EIF2A: variants seen among roughly 807,000 people sequenced by gnomAD.
The protein encoded by EIF2A is eukaryotic translation initiation factor 2A.
In EIF2A, 62 loss-of-function variants were observed where a neutral mutation model predicts 75.2. That is an observed-to-expected ratio of 0.82 (90% CI 0.67 to 1.02). The LOEUF is 1.02. Among genes scored for constraint, EIF2A ranks in the 50% least tolerant of loss-of-function variants. The pLI is 0.00. For synonymous variants in EIF2A, 207 were observed against 239.0 expected, an observed-to-expected ratio of 0.87 and a Z score of 1.23; for missense variants, 611 against 677.7, an observed-to-expected ratio of 0.90 and a Z score of 1.09.
Position 150,563,523 on chromosome 3 carries a change from G to A in EIF2A, c.301G>A (p.Asp101Asn), listed in dbSNP as rs558398371. ...AAGAAATTTTATTGCAGCTTCTAAA[G>A]ATGGCACAGCTGGGATACCCAACCT... ...ATWQPYTTSK[D>N]GTAGIPNLQL... is the part of the protein sequence containing the mutation. The change falls in exon 5 of 14, where the codon GAT (aspartate) becomes AAT (asparagine). Residue 101 changes from aspartate to asparagine, a missense_variant. Asp to Asn is a conservative substitution (Grantham distance 23, BLOSUM62 1). Coordinates refer to ENST00000460851, the MANE Select transcript of EIF2A (RefSeq NM_032025.5). 5 of 1,545,594 alleles carry A rather than the reference G, an allele frequency of 3.2e-6. No homozygotes were observed. In the South Asian group the frequency reaches 4.9e-5, roughly 15 times the overall value.
At position 150,564,328 on chromosome 3, in the gene EIF2A, T is replaced by A; in HGVS notation, c.422T>A (p.Leu141His). The A allele has an allele frequency of 2.5e-6, 4 of 1,601,766 alleles. No homozygotes were observed. The highest frequency in any genetic ancestry group is 3.4e-6 in the Non-Finnish European group (4 of 1,175,458). Reference sequence around the variant, plus strand: ...CCATCCTGGTCAGAAGATGAAACTCTTTGTGCCCGCAATGTTAACAATGAA... The same window carrying A: ...CCATCCTGGTCAGAAGATGAAACTCATTGTGCCCGCAATGTTAACAATGAA... ...WCPSWSEDET[L>H]CARNVNNEVH... The change falls in exon 6 of 14, where the codon CTT (leucine) becomes CAT (histidine). Residue 141 changes from leucine to histidine, a missense_variant. Leu to His is a moderately conservative substitution (Grantham distance 99, BLOSUM62 -3). Transcript: ENST00000460851.
intron 3 of EIF2A, among the ~76,000 whole-genome samples, chr3:150,562,230 G>C (rs7427005): frequency 0.95 from 144,127 of 151,430 alleles, 68,596 homozygotes; most frequent in East Asian, 1. Context: ...AGACCATCCT[G>C]GCTAACACGG....
intron 10 of EIF2A, among the ~76,000 whole-genome samples, chr3:150,574,037 C>T (rs1002572280): frequency 1.5e-4 from 23 of 151,984 alleles, no homozygotes; most frequent in African/African-American, 4.6e-4. Flanking sequence ...TGGTGAGACC[C>T]CATCACTACT....
intron 1 of EIF2A, among the ~76,000 whole-genome samples, chr3:150,547,988 A>T (rs1241308107): frequency 1.3e-5 from 2 of 152,212 alleles, no homozygotes; most frequent in Non-Finnish European, 2.9e-5. Context: ...TACATTCTAA[A>T]ATCTGATAAA....
At chr3:150,557,726 C>T in intron 2 of EIF2A, 3 of 366,360 alleles carry the variant, frequency 8.2e-6, no homozygotes, top group South Asian at 3.9e-5. Flanking sequence ...GTTTTATTAT[C>T]TATAAACTGA....
At chr3:150,549,061 A>G (rs555319113) in intron 1 of EIF2A, among the ~76,000 whole-genome samples, 6 of 152,156 alleles carry the variant, frequency 3.9e-5, no homozygotes, top group Non-Finnish European at 8.8e-5. Context: ...CAGATTAGCC[A>G]GTAAATTTTG....
At chr3:150,575,164 T>C (rs1724786282) in intron 10 of EIF2A, among the ~76,000 whole-genome samples, 1 of 152,218 alleles carries the variant, frequency 6.6e-6, no homozygotes, top group African/African-American at 2.4e-5. Context: ...TTCTATTTCA[T>C]TTATTTTCTT....
Position 150,584,766 on chromosome 3 carries a change from A to T in EIF2A, c.*855A>T, listed in dbSNP as rs1725374978. On this transcript the variant is annotated 3_prime_UTR_variant, in exon 14 of 14. Coordinates refer to ENST00000460851, the MANE Select transcript of EIF2A (RefSeq NM_032025.5). ...AATTGATTTTTCTTTTCCTTTGCCC[A>T]TTTTTCTGTTTGGATGTTTGACTTT... is the stretch of plus-strand genomic sequence containing the variant. Among the ~76,000 whole-genome samples, 1 of 151,374 alleles carries T rather than the reference A, an allele frequency of 6.6e-6. No homozygotes were observed. Among genetic ancestry groups the T allele is most frequent in the Non-Finnish European group, 1.5e-5 (1 of 67,812 alleles).
At chr3:150,560,129 TAATAG>T (rs1723774696) in intron 3 of EIF2A, among the ~76,000 whole-genome samples, 1 of 152,194 alleles carries the variant, frequency 6.6e-6, no homozygotes, top group Admixed American at 6.5e-5. Flanking sequence ...CAGTTATTGT[TAATAG>T]TTCACTCATA....
chr3:150,558,474 T>C lies in EIF2A; in HGVS notation c.173+12T>C. The stretch of plus-strand genomic sequence containing the variant: ...GGCAATGGAGAAAAGTTAGTGTTCA[T>C]TTACATAACATATTTTGTGTGTCAC... On this transcript the variant is annotated intron_variant, in intron 3 of 13. Transcript: ENST00000460851. The C allele has an allele frequency of 6.7e-7, 1 of 1,486,630 alleles. No homozygotes were observed. The highest frequency in any genetic ancestry group is 8.9e-7 in the Non-Finnish European group (1 of 1,125,798). The allele number at this position is 1,486,630 out of a possible 1,614,324, so 92.1% of individuals were successfully genotyped here.
chr3:150,573,777 G>T (rs1002966332), intron 10 of EIF2A, among the ~76,000 whole-genome samples: 10 of 152,098 alleles, frequency 6.6e-5, no homozygotes, highest in African/African-American at 2.4e-4. Context: ...CACAAAGGAG[G>T]AGAGTTACAC....
chr3:150,576,198 T>G (rs1055140104), intron 11 of EIF2A, among the ~76,000 whole-genome samples: 1 of 152,172 alleles, frequency 6.6e-6, no homozygotes, highest in East Asian at 1.9e-4. Context: ...CCCAGCACTT[T>G]GGGAGGCCAA....
In EIF2A at chr3:150,562,580, A is replaced by G. The variant is rs774888051; in HGVS notation, c.212A>G (p.His71Arg). The change falls in exon 4 of 14, where the codon CAC (histidine) becomes CGC (arginine). Residue 71 changes from histidine to arginine, a missense_variant. Physicochemically the swap from His to Arg is conservative, Grantham distance 29 (BLOSUM62 0). Coordinates refer to ENST00000460851, the MANE Select transcript of EIF2A (RefSeq NM_032025.5). ...AGTGTCACTAACAAGGGACTACTGCACTCCTTCGACCTCCTGAAGGCAGTT... is the reference window on the plus strand; with the variant it reads ...AGTGTCACTAACAAGGGACTACTGCGCTCCTTCGACCTCCTGAAGGCAGTT... ...IISVTNKGLLHSFDLLKAVCL... is the reference protein window; with the variant it reads ...IISVTNKGLLRSFDLLKAVCL... 6.2e-7 allele frequency: 1 copy of G among 1,613,488 alleles called. No homozygotes were observed. The highest frequency in any genetic ancestry group is 1.7e-5 in the Admixed American group (1 of 59,972).
intron 2 of EIF2A, among the ~76,000 whole-genome samples, chr3:150,555,968 C>T (rs961480615): frequency 6.6e-6 from 1 of 152,176 alleles, no homozygotes; most frequent in Non-Finnish European, 1.5e-5. Flanking sequence ...TACTTCAGAA[C>T]AGTCTGTTGT....
At chr3:150,547,389 A>G (rs992752125) in intron 1 of EIF2A, among the ~76,000 whole-genome samples, 2 of 152,234 alleles carry the variant, frequency 1.3e-5, no homozygotes, top group South Asian at 2.1e-4. Flanking sequence ...GAGATATTCT[A>G]GCAACATTTG....
rs76241230 is a variant in EIF2A, at chr3:150,558,767, C to T, written c.173+305C>T. ...TATTGGTTGGAGTTTCCTAAATCTG[C>T]AGTAACACTGAGAAAATAATTCTCT... On this transcript the variant is annotated intron_variant, in intron 3 of 13. Coordinates refer to ENST00000460851, the MANE Select transcript of EIF2A (RefSeq NM_032025.5). 368 of 170,712 alleles carry T rather than the reference C, an allele frequency of 2.2e-3. 11 individuals are homozygous for T. The East Asian group carries it at 0.049, about 23-fold the overall frequency. The allele number at this position is 170,712 out of a possible 1,614,324, so 10.6% of individuals were successfully genotyped here.
intron 11 of EIF2A, among the ~76,000 whole-genome samples, chr3:150,579,105 A>G (rs1403708825): frequency 6.6e-6 from 1 of 152,164 alleles, no homozygotes; most frequent in East Asian, 1.9e-4. Context: ...ACATGATAAG[A>G]TTAACCTTTC....
At chr3:150,549,256 T>A (rs2107896523) in intron 1 of EIF2A, among the ~76,000 whole-genome samples, 1 of 151,752 alleles carries the variant, frequency 6.6e-6, no homozygotes, top group African/African-American at 2.4e-5. Flanking sequence ...TTCGCTCTTG[T>A]TGCCCAGGCT....
chr3:150,563,556 T>A lies in EIF2A; in HGVS notation c.334T>A (p.Tyr112Asn). The change falls in exon 5 of 14, where the codon TAT (tyrosine) becomes AAT (asparagine). Residue 112 changes from tyrosine (Y) to asparagine (N), a missense_variant. Coordinates refer to ENST00000460851, the MANE Select transcript of EIF2A (RefSeq NM_032025.5). ...GTAGIPNLQL[Y>N]DVKTGTCLKS... ...AGCTGGGATACCCAACCTACAACTT[T>A]ATGATGTGAAAACTGGGACATGTTT... 1 of 1,544,794 alleles carries A rather than the reference T, an allele frequency of 6.5e-7. No individual in the cohort carries two copies. Among genetic ancestry groups the A allele is most frequent in the Non-Finnish European group, 8.7e-7 (1 of 1,145,910 alleles).
Sources: gnomAD v4.1 joint callset for allele counts (sites outside exome capture counted in the v4.1 genomes callset) on GRCh38, gnomAD v4.1.1 for gene constraint, MANE v1.5 for transcripts, NCBI Gene and HGNC (gene_info 2026-07-23, HGNC 2026-07-21) for gene names.